LRMDA: variants seen among roughly 807,000 people sequenced by gnomAD.
LRMDA encodes the protein leucine rich melanocyte differentiation associated, also known as leucine-rich melanocyte differentiation-associated protein.
LRMDA carries 18 observed loss-of-function variants against 29.8 expected under a neutral mutation model. The ratio of observed to expected loss-of-function variants is 0.60; its 90% CI spans 0.42 to 0.90. The LOEUF (loss-of-function observed/expected upper bound fraction) is 0.90. Ranked by LOEUF, LRMDA falls within the 40% of genes least tolerant of loss-of-function variation. The probability of loss-of-function intolerance (pLI) is 0.00; values close to 1 mark genes in which losing one functional copy is unlikely to be tolerated. For missense variants in LRMDA, 273 were observed against 273.9 expected (o/e 1.00, Z 0.02); for synonymous variants, 125 against 109.4 (o/e 1.14, Z -0.89).
chr10:75,937,288 T>A (rs1365066508), intron 2 of LRMDA, among the ~76,000 whole-genome samples: 1 of 152,238 alleles, frequency 6.6e-6, no homozygotes. Flanking sequence ...AAAAATGATT[T>A]TATTTTAAGC....
intron 2 of LRMDA, among the ~76,000 whole-genome samples, chr10:75,579,869 C>A (rs1175631997): frequency 6.6e-6 from 1 of 152,178 alleles, no homozygotes; most frequent in East Asian, 1.9e-4. Flanking sequence ...CAAAATTCAA[C>A]AGCCTTTCAT....
At chr10:76,325,571 G>T (rs1298072944) in intron 6 of LRMDA, among the ~76,000 whole-genome samples, 1 of 152,062 alleles carries the variant, frequency 6.6e-6, no homozygotes, top group Non-Finnish European at 1.5e-5. Context: ...ACTGTTTTTG[G>T]GGGAATTTCC....
chr10:76,415,267 A>G (rs1450032162), intron 6 of LRMDA, among the ~76,000 whole-genome samples: 1 of 152,224 alleles, frequency 6.6e-6, no homozygotes, highest in African/African-American at 2.4e-5. Flanking sequence ...TGACATAAAG[A>G]CATCAGTCCA....
At chr10:75,674,305 C>T (rs757702227) in intron 2 of LRMDA, among the ~76,000 whole-genome samples, 23 of 152,170 alleles carry the variant, frequency 1.5e-4, no homozygotes, top group Non-Finnish European at 2.5e-4. Flanking sequence ...GCAACCCGCA[C>T]AACACCTTTC....
chr10:75,686,516 CTTCACCAT>C (rs1241017159), intron 2 of LRMDA, among the ~76,000 whole-genome samples: 3 of 152,212 alleles, frequency 2.0e-5, no homozygotes, highest in Non-Finnish European at 4.4e-5. Context: ...CATCTGCTTT[CTTCACCAT>C]TTATTCGAAT....
intron 6 of LRMDA, among the ~76,000 whole-genome samples, chr10:76,517,773 AAGTC>A (rs1843076268): frequency 6.6e-6 from 1 of 151,982 alleles, no homozygotes; most frequent in Non-Finnish European, 1.5e-5. Flanking sequence ...TGTAACATCT[AAGTC>A]AGGAGGAAGT....
intron 5 of LRMDA, among the ~76,000 whole-genome samples, chr10:76,121,311 G>A (rs1306126933): frequency 1.3e-5 from 2 of 152,160 alleles, no homozygotes; most frequent in Admixed American, 1.3e-4. Context: ...TAGTTAATGA[G>A]GCAATTGTCT....
Position 76,431,257 on chromosome 10 carries a change from G to A in LRMDA, c.601+106772G>A, listed in dbSNP as rs117495273. Among the ~76,000 whole-genome samples the A allele has an allele frequency of 6.9e-3, 1,055 of 152,202 alleles. 6 individuals carry two copies. The highest frequency in any genetic ancestry group is 0.012 in the Non-Finnish European group (784 of 68,008). Reference sequence around the variant, plus strand: ...GGGAGTGAATTTACGTGTTTGAGGCGGGCTGATGCAGAGAGGAGCATGGAT... The same window carrying A: ...GGGAGTGAATTTACGTGTTTGAGGCAGGCTGATGCAGAGAGGAGCATGGAT... On this transcript the variant is annotated intron_variant, in intron 6 of 6. Coordinates refer to ENST00000611255, the MANE Select transcript of LRMDA (RefSeq NM_001305581.2).
intron 1 of LRMDA, among the ~76,000 whole-genome samples, chr10:75,432,912 C>T (rs1410568659): frequency 6.6e-6 from 1 of 152,156 alleles, no homozygotes; most frequent in Non-Finnish European, 1.5e-5. Context: ...ATTAGCCTTT[C>T]CTTTGTCTCT....
intron 2 of LRMDA, among the ~76,000 whole-genome samples, chr10:76,005,481 T>C (rs1157564468): frequency 2.6e-5 from 4 of 152,106 alleles, no homozygotes; most frequent in Admixed American, 2.0e-4. Flanking sequence ...GCCAGTTTCC[T>C]TGGCACATGT....
At chr10:76,088,891 T>C (rs1329959854) in intron 5 of LRMDA, among the ~76,000 whole-genome samples, 1 of 152,238 alleles carries the variant, frequency 6.6e-6, no homozygotes, top group African/African-American at 2.4e-5. Flanking sequence ...GGATCCCTTC[T>C]CAGTCTTTGA....
Position 75,904,972 on chromosome 10 carries a change from C to G in LRMDA, c.132-131036C>G, listed in dbSNP as rs548863196. Among the ~76,000 whole-genome samples the G allele has an allele frequency of 4.5e-4, 69 of 151,670 alleles. No homozygotes were observed. In the East Asian group the frequency reaches 7.5e-3, roughly 17 times the overall value. On this transcript the variant is annotated intron_variant, in intron 2 of 6. Coordinates refer to ENST00000611255, the MANE Select transcript of LRMDA (RefSeq NM_001305581.2). ...AAGGTTTAACTAGGAAGTAGTGAGACAGTGGAAGGAGGGGAGAGAGGGGGA... is the reference window on the plus strand; with the variant it reads ...AAGGTTTAACTAGGAAGTAGTGAGAGAGTGGAAGGAGGGGAGAGAGGGGGA...
intron 5 of LRMDA, among the ~76,000 whole-genome samples, chr10:76,260,161 T>C (rs572657507): frequency 6.6e-6 from 1 of 152,284 alleles, no homozygotes; most frequent in East Asian, 1.9e-4. Flanking sequence ...TGTTCTTTAC[T>C]TCCTCTCTTA....
chr10:76,127,843 A>G (rs1849912496), intron 5 of LRMDA, among the ~76,000 whole-genome samples: 1 of 152,224 alleles, frequency 6.6e-6, no homozygotes, highest in Non-Finnish European at 1.5e-5. Context: ...GCTTTAGTCA[A>G]CAGATCCATA....
At chr10:75,923,825 C>T (rs948710850) in intron 2 of LRMDA, among the ~76,000 whole-genome samples, 1 of 152,084 alleles carries the variant, frequency 6.6e-6, no homozygotes, top group African/African-American at 2.4e-5. Flanking sequence ...TGCACCCCTC[C>T]CTTACCCCCT....
intron 5 of LRMDA, among the ~76,000 whole-genome samples, chr10:76,268,061 A>G (rs1338327465): frequency 6.6e-6 from 1 of 152,102 alleles, no homozygotes; most frequent in Admixed American, 6.6e-5. Context: ...TCTAATTCTC[A>G]AACTTGAGGG....
At position 75,715,862 on chromosome 10, in the gene LRMDA, A is replaced by T. The variant is rs1842493986; in HGVS notation, c.131+277368A>T. Among the ~76,000 whole-genome samples the T allele has an allele frequency of 1.7e-5, 2 of 117,616 alleles. 1 individual carries two copies. The highest frequency in any genetic ancestry group is 5.9e-4 in the South Asian group (2 of 3,402). 77.2% of individuals were successfully genotyped at this position (117,616 alleles called of 152,430 possible). A position where few individuals can be genotyped will look rare whatever the true frequency, so the allele number is the denominator to read the frequency against. The stretch of plus-strand genomic sequence containing the variant: ...TTCTTGAATTATAAGCACTTGATTG[A>T]TCATAGTTTTGGAAGACCAATGTCT... On this transcript the variant is annotated intron_variant, in intron 2 of 6. Coordinates refer to ENST00000611255, the MANE Select transcript of LRMDA (RefSeq NM_001305581.2).
intron 6 of LRMDA, among the ~76,000 whole-genome samples, chr10:76,461,767 G>T (rs1907357): frequency 8.6e-5 from 13 of 152,046 alleles, no homozygotes; most frequent in Admixed American, 1.3e-4. Context: ...AGAATCACCT[G>T]GGCTTTTGTT....
At chr10:75,882,674 CA>C (rs1845314198) in intron 2 of LRMDA, 1 of 152,260 alleles carries the variant, frequency 6.6e-6, no homozygotes, top group African/African-American at 2.4e-5. Context: ...ACGTTGCTAA[CA>C]GAGGGCCTGG....
Sources: gnomAD v4.1 joint callset for allele counts (sites outside exome capture counted in the v4.1 genomes callset) on GRCh38, gnomAD v4.1.1 for gene constraint, MANE v1.5 for transcripts, NCBI Gene and HGNC (gene_info 2026-07-23, HGNC 2026-07-21) for gene names.